Variants in ZEB1 observed in about 807,000 individuals in gnomAD.
ZEB1 encodes the protein zinc finger E-box-binding homeobox 1.
A neutral mutation model predicts 84.9 loss-of-function variants in ZEB1; 21 were observed. The ratio of observed to expected loss-of-function variants is 0.25; its 90% CI spans 0.18 to 0.36. The LOEUF (loss-of-function observed/expected upper bound fraction) is 0.36, where lower values mean the gene tolerates loss of function less well. Ranked by LOEUF, ZEB1 falls within the 10% of genes least tolerant of loss-of-function variation. ZEB1 has a pLI of 1.00. For synonymous variants in ZEB1, 420 were observed against 471.1 expected (o/e 0.89, Z 1.41); for missense variants, 1,104 against 1,330.2 (o/e 0.83, Z 2.65).
intron 1 of ZEB1, among the ~76,000 whole-genome samples, chr10:31,415,253 AATAT>A: frequency 6.6e-6 from 1 of 152,234 alleles, no homozygotes; most frequent in East Asian, 1.9e-4. Context: ...GTGCTAGTAA[AATAT>A]ATAGCCCCTT....
intron 2 of ZEB1, among the ~76,000 whole-genome samples, chr10:31,490,954 G>A (rs541720119): frequency 6.6e-6 from 1 of 151,736 alleles, no homozygotes; most frequent in Non-Finnish European, 1.5e-5. Flanking sequence ...CCTTTGAAAT[G>A]CTGTTCAGAT....
At chr10:31,499,181 T>C (rs755916759) in intron 3 of ZEB1, among the ~76,000 whole-genome samples, 1 of 152,194 alleles carries the variant, frequency 6.6e-6, no homozygotes, top group Non-Finnish European at 1.5e-5. Flanking sequence ...TATTCCCTCA[T>C]TTTCTGGGAC....
chr10:31,526,577 C>T, intron 8 of ZEB1, 95 bp from the exon 9 acceptor site: 1 of 1,432,210 alleles, frequency 7.0e-7, no homozygotes, highest in Non-Finnish European at 9.6e-7. Flanking sequence ...ACTAATAACC[C>T]TCCCCTTTCT....
At chr10:31,460,132 G>A (rs1306892792) in intron 1 of ZEB1, among the ~76,000 whole-genome samples, 1 of 151,800 alleles carries the variant, frequency 6.6e-6, no homozygotes, top group Non-Finnish European at 1.5e-5. Flanking sequence ...TCCTGTTAGA[G>A]TGATTATTGC....
chr10:31,516,634 G>A (rs745467055), intron 6 of ZEB1, among the ~76,000 whole-genome samples: 76 of 144,076 alleles, frequency 5.3e-4, no homozygotes, highest in Non-Finnish European at 9.8e-4. Flanking sequence ...CATAGAAAAC[G>A]TTATTCCTTG....
intron 1 of ZEB1, among the ~76,000 whole-genome samples, chr10:31,377,337 A>G (rs995118085): frequency 1.3e-5 from 2 of 151,700 alleles, no homozygotes; most frequent in African/African-American, 2.4e-5. Context: ...AAAGCACAAA[A>G]TGTGAGACTG....
chr10:31,505,647 T>C (rs1443285923), intron 4 of ZEB1, among the ~76,000 whole-genome samples: 1 of 151,988 alleles, frequency 6.6e-6, no homozygotes, highest in African/African-American at 2.4e-5. Context: ...TTCTCTGTTC[T>C]TTTCTTAGTC....
intron 1 of ZEB1, among the ~76,000 whole-genome samples, chr10:31,345,318 A>G (rs533179395): frequency 6.6e-6 from 1 of 152,180 alleles, no homozygotes. Flanking sequence ...GTTGTATTAT[A>G]TAATGTAATA....
At chr10:31,467,546 C>A (rs950531911) in intron 2 of ZEB1, among the ~76,000 whole-genome samples, 1 of 152,196 alleles carries the variant, frequency 6.6e-6, no homozygotes. Context: ...AGCATAGCCT[C>A]CATTGCCCCA....
At chr10:31,506,568 C>T (rs910609955) in intron 4 of ZEB1, among the ~76,000 whole-genome samples, 3 of 151,954 alleles carry the variant, frequency 2.0e-5, no homozygotes, top group Non-Finnish European at 4.4e-5. Flanking sequence ...AAGAGTTTAT[C>T]TCATTATAGC....
intron 1 of ZEB1, among the ~76,000 whole-genome samples, chr10:31,417,152 T>A (rs2055354327): frequency 6.6e-6 from 1 of 152,142 alleles, no homozygotes; most frequent in Non-Finnish European, 1.5e-5. Flanking sequence ...TAGTCCCCAG[T>A]TGGTTATCAA....
At chr10:31,373,194 T>A (rs1484779617) in intron 1 of ZEB1, 28 of 636,830 alleles carry the variant, frequency 4.4e-5, no homozygotes, top group Non-Finnish European at 4.5e-5. Flanking sequence ...TCATTTAAAT[T>A]GTGTGTGTGT....
chr10:31,486,131 G>C (rs1001556361), intron 2 of ZEB1, among the ~76,000 whole-genome samples: 2 of 151,776 alleles, frequency 1.3e-5, no homozygotes, highest in African/African-American at 4.8e-5. Flanking sequence ...CCATTCATTA[G>C]TGGAAGGACA....
intron 1 of ZEB1, among the ~76,000 whole-genome samples, chr10:31,364,621 G>A (rs1040144949): frequency 6.6e-6 from 1 of 152,208 alleles, no homozygotes; most frequent in African/African-American, 2.4e-5. Context: ...AAGAGAGGAC[G>A]CAGTGCCCTG....
At chr10:31,429,514 C>T (rs2057405827) in intron 1 of ZEB1, among the ~76,000 whole-genome samples, 1 of 151,966 alleles carries the variant, frequency 6.6e-6, no homozygotes, top group South Asian at 2.1e-4. Context: ...AGGGGAACAA[C>T]AGACACTGGG....
intron 2 of ZEB1, among the ~76,000 whole-genome samples, chr10:31,476,816 A>C (rs1014851682): frequency 6.6e-6 from 1 of 152,112 alleles, no homozygotes; most frequent in Non-Finnish European, 1.5e-5. Flanking sequence ...CGATATGATC[A>C]TGTCAATCAA....
rs561629927 is a variant in ZEB1 at position 31,470,125 on chromosome 10, G to T, written c.259+8888G>T. 9.1e-4 allele frequency among the ~76,000 whole-genome samples: 138 copies of T among 152,288 alleles called. 3 individuals are homozygous for T. The highest frequency in any genetic ancestry group is 3.2e-3 in the African/African-American group (131 of 41,538). ...ACAAAGATGGGGAAAAAACAGAACA[G>T]AAAAAGTGGAAACTCTAAAAAGCAG... On this transcript the variant is annotated intron_variant, in intron 2 of 8. Transcript: ENST00000424869.
Position 31,462,450 on chromosome 10 carries a change from T to C in ZEB1, c.259+1213T>C, listed in dbSNP as rs77217808. ...ATTATAGTTTTATTTAGGTATACATTATATGGCAGCATCAAGGAGGAGCAT... is the reference window on the plus strand; with the variant it reads ...ATTATAGTTTTATTTAGGTATACATCATATGGCAGCATCAAGGAGGAGCAT... On this transcript the variant is annotated intron_variant, in intron 2 of 8. Coordinates refer to ENST00000424869, the MANE Select transcript of ZEB1 (RefSeq NM_001174096.2). Among the ~76,000 whole-genome samples, 837 of 152,250 alleles carry C rather than the reference T, an allele frequency of 5.5e-3. 8 individuals carry two copies. Among genetic ancestry groups the C allele is most frequent in the African/African-American group, 0.018 (735 of 41,560 alleles).
chr10:31,447,268 T>C (rs1442232247), intron 1 of ZEB1, among the ~76,000 whole-genome samples: 3 of 150,538 alleles, frequency 2.0e-5, no homozygotes, highest in Non-Finnish European at 4.4e-5. Context: ...ATTTGCTTGG[T>C]AGATCTTCCT....
Sources: gnomAD v4.1 joint callset for allele counts (sites outside exome capture counted in the v4.1 genomes callset) on GRCh38, gnomAD v4.1.1 for gene constraint, MANE v1.5 for transcripts, NCBI Gene and HGNC (gene_info 2026-07-23, HGNC 2026-07-21) for gene names.